The following FUBP3 variants were observed in gnomAD, a reference collection of about 807,000 sequenced individuals.
The protein encoded by FUBP3 is far upstream element-binding protein 3.
FUBP3 carries 28 observed loss-of-function variants against 85.6 expected under a neutral mutation model. That is an observed-to-expected ratio of 0.33 (90% confidence interval 0.24 to 0.45). FUBP3 has a LOEUF of 0.45. Ranked by LOEUF, FUBP3 falls within the 20% of genes least tolerant of loss-of-function variation. The pLI is 1.00. For missense variants in FUBP3, 583 were observed against 755.1 expected (o/e 0.77, Z 2.67); for synonymous variants, 271 against 271.4 (o/e 1.00, Z 0.01).
intron 2 of FUBP3, among the ~76,000 whole-genome samples, chr9:130,607,297 G>C (rs914207024): frequency 1.3e-5 from 2 of 148,498 alleles, no homozygotes; most frequent in African/African-American, 2.5e-5. Flanking sequence ...TTTTTTTTAA[G>C]ATTATTATTA....
At chr9:130,586,720 C>T (rs1277689072) in intron 1 of FUBP3, among the ~76,000 whole-genome samples, 1 of 146,974 alleles carries the variant, frequency 6.8e-6, no homozygotes, top group African/African-American at 2.5e-5. Context: ...GGTGGTTTTT[C>T]ATCTCAATGA....
intron 2 of FUBP3, among the ~76,000 whole-genome samples, chr9:130,602,354 C>T (rs1831198533): frequency 6.6e-6 from 1 of 152,086 alleles, no homozygotes; most frequent in Non-Finnish European, 1.5e-5. Context: ...GTGAAATAGA[C>T]TATTTCTGTG....
rs1830048922 is a variant in FUBP3 at position 130,579,749 on chromosome 9, G to A, written c.69G>A (p.Leu23=). The A allele has an allele frequency of 3.1e-6, 4 of 1,280,586 alleles. No individual in the cohort carries two copies. Among genetic ancestry groups the A allele is most frequent in the African/African-American group, 1.5e-5 (1 of 65,948 alleles). 79.3% of individuals were successfully genotyped at this position (1,280,586 alleles called of 1,614,324 possible). The change falls in exon 1 of 19, where the codon CTG becomes CTA. Residue 23 remains leucine, a synonymous_variant. Transcript: ENST00000319725. ...GMKAEGFVDA[L]HRVRQIAAKI... ...AGGCCGAGGGCTTCGTGGATGCCCT[G>A]CACCGGGTCCGGCAGGTACGGGCGC... is the stretch of plus-strand genomic sequence containing the variant.
At chr9:130,598,209 A>G (rs57751217) in intron 2 of FUBP3, among the ~76,000 whole-genome samples, 10,880 of 152,242 alleles carry the variant, frequency 0.071, 505 homozygotes, top group African/African-American at 0.14. Context: ...TGTATGTGCA[A>G]TGGACTAATG....
In FUBP3 at chr9:130,635,669, C is replaced by T. The variant is rs181735460; in HGVS notation, c.1583-330C>T. Among the ~76,000 whole-genome samples the T allele has an allele frequency of 6.6e-6, 1 of 152,162 alleles. No homozygotes were observed. The highest frequency in any genetic ancestry group is 1.9e-4 in the East Asian group (1 of 5,156). The stretch of plus-strand genomic sequence containing the variant: ...CAAGTTAGGTACTCCCCTTCTCCCC[C>T]ACCCCCACCCCAGGATCCCCCCTTC... On this transcript the variant is annotated intron_variant, in intron 17 of 18. Transcript: ENST00000319725. This position sits in a 1 kb window ranked among gnomAD's most constrained non-coding sequence, Gnocchi z 4.3.
At chr9:130,623,127 T>G (rs1829826551) in intron 10 of FUBP3, among the ~76,000 whole-genome samples, 1 of 152,138 alleles carries the variant, frequency 6.6e-6, no homozygotes, top group African/African-American at 2.4e-5. Flanking sequence ...AATTTTAAAA[T>G]ATATATGTAT....
chr9:130,598,692 A>G (rs1438756246), intron 2 of FUBP3, among the ~76,000 whole-genome samples: 1 of 152,252 alleles, frequency 6.6e-6, no homozygotes, highest in African/African-American at 2.4e-5. Context: ...TTAAATGGTT[A>G]TCTTAGTTCC....
chr9:130,614,156 A>G, intron 5 of FUBP3, 132 bp from the exon 6 acceptor site: 1 of 571,328 alleles, frequency 1.8e-6, no homozygotes. Flanking sequence ...AGTGGAAGCA[A>G]ACTGTCTTTT....
chr9:130,627,801 C>T (rs1052945396), intron 12 of FUBP3, among the ~76,000 whole-genome samples: 1 of 152,314 alleles, frequency 6.6e-6, no homozygotes, highest in African/African-American at 2.4e-5. Flanking sequence ...CTTTTGCAAA[C>T]TATTTTGTCG....
At position 130,612,641 on chromosome 9, in the gene FUBP3, C is replaced by A; in HGVS notation, c.274+136C>A. On this transcript the variant is annotated intron_variant, in intron 4 of 18. Coordinates refer to ENST00000319725, the MANE Select transcript of FUBP3 (RefSeq NM_003934.2). The surrounding 1 kb of genome is among the most constrained non-coding windows in gnomAD (Gnocchi z 4.1). ...GTATCACCTGTAGTAGAATGCTTTG[C>A]ACATGCCATTCCCCACAGCTCTGAA... 1 of 702,378 alleles carries A rather than the reference C, an allele frequency of 1.4e-6. No individual in the cohort carries two copies. The highest frequency in any genetic ancestry group is 2.5e-6 in the Non-Finnish European group (1 of 393,756). 43.5% of individuals were successfully genotyped at this position (702,378 alleles called of 1,614,324 possible). A position where few individuals can be genotyped will look rare whatever the true frequency, so the allele number is the denominator to read the frequency against.
chr9:130,585,036 T>G (rs1371499573), intron 1 of FUBP3, among the ~76,000 whole-genome samples: 1 of 152,152 alleles, frequency 6.6e-6, no homozygotes, highest in Admixed American at 6.5e-5. Flanking sequence ...GGCACGCACC[T>G]GTAATCCCAG....
At chr9:130,605,908 C>T (rs1447545279) in intron 2 of FUBP3, among the ~76,000 whole-genome samples, 10 of 152,006 alleles carry the variant, frequency 6.6e-5, no homozygotes, top group Non-Finnish European at 8.8e-5. Context: ...CGCACGAACC[C>T]GGGAGGCGGA....
At chr9:130,589,675 G>GTATATATATATA (rs1170568300) in intron 1 of FUBP3, among the ~76,000 whole-genome samples, 99 of 34,216 alleles carry the variant, frequency 2.9e-3, no homozygotes, top group Admixed American at 5.3e-3. Context: ...GTATGTGTGT[G>GTATATATATATA]TATATATATA....
At chr9:130,603,347 CAAAAAAAAA>C (rs34850259) in intron 2 of FUBP3, among the ~76,000 whole-genome samples, 16 of 83,820 alleles carry the variant, frequency 1.9e-4, no homozygotes, top group South Asian at 4.1e-4. Flanking sequence ...ACTCTGTCTC[CAAAAAAAAA>C]AAAAAAAAAA....
chr9:130,589,703 A>ATTTT lies in FUBP3; in HGVS notation c.85-5779_85-5778insTTTT, dbSNP rs1441029705. 5.3e-3 allele frequency among the ~76,000 whole-genome samples: 150 copies of ATTTT among 28,554 alleles called. 2 individuals carry two copies. Among genetic ancestry groups the ATTTT allele is most frequent in the African/African-American group, 0.029 (142 of 4,912 alleles). The allele number at this position is 28,554 out of a possible 152,430, so 18.7% of individuals were successfully genotyped here. A position where few individuals can be genotyped will look rare whatever the true frequency, so the allele number is the denominator to read the frequency against. On this transcript the variant is annotated intron_variant, in intron 1 of 18. Transcript: ENST00000319725. ...TATATATATATATATATATATATAT[A>ATTTT]TATTTTTTTTTTTTTTTTTTTTTTT...
At chr9:130,589,675 G>GTGTGTGTATGTGTATGTGTATATATATA (rs869282275) in intron 1 of FUBP3, among the ~76,000 whole-genome samples, 3 of 34,308 alleles carry the variant, frequency 8.7e-5, no homozygotes, top group Non-Finnish European at 1.5e-4. Context: ...GTATGTGTGT[G>GTGTGTGTATGTGTATGTGTATATATATA]TATATATATA....
intron 2 of FUBP3, chr9:130,596,622 A>C (rs1191465866): frequency 2.4e-6 from 1 of 416,286 alleles, no homozygotes; most frequent in Admixed American, 3.0e-5. Flanking sequence ...TCGGCTTCCC[A>C]AGTAGCTGGG....
chr9:130,627,423 G>A lies in FUBP3; in HGVS notation c.1117+918G>A, dbSNP rs568622638. Among the ~76,000 whole-genome samples the A allele has an allele frequency of 3.3e-5, 5 of 152,310 alleles. No individual in the cohort carries two copies. In the East Asian group the frequency reaches 5.8e-4, roughly 18 times the overall value. ...AATACCCCTTAGCTGCTTGAGGGGC[G>A]CTCGTATTGGATAGGCAGGACTTGG... On this transcript the variant is annotated intron_variant, in intron 12 of 18. Transcript: ENST00000319725.
chr9:130,581,741 A>C (rs535293218), intron 1 of FUBP3: 1 of 152,330 alleles, frequency 6.6e-6, no homozygotes, highest in Admixed American at 6.5e-5. Flanking sequence ...TTTAAACGCA[A>C]AGCTTTTTCC....
Sources: gnomAD v4.1 joint callset for allele counts (sites outside exome capture counted in the v4.1 genomes callset) on GRCh38, gnomAD v4.1.1 for gene constraint, Gnocchi (gnomAD v3.1) non-coding constraint, MANE v1.5 for transcripts, NCBI Gene and HGNC (gene_info 2026-07-23, HGNC 2026-07-21) for gene names.